Variants in DMD observed in about 807,000 individuals in gnomAD.
DMD encodes the protein mutant dystrophin.
In DMD, 63 loss-of-function variants were observed where a neutral mutation model predicts 330.1. The ratio of observed to expected loss-of-function variants is 0.19; its 90% CI spans 0.16 to 0.24. The LOEUF is 0.24. Ranked by LOEUF, DMD falls within the 10% of genes least tolerant of loss-of-function variation. The probability of loss-of-function intolerance (pLI) is 1.00; values close to 1 mark genes in which losing one functional copy is unlikely to be tolerated. For missense variants in DMD, 3,344 were observed against 2,684.1 expected, an observed-to-expected ratio of 1.25 and a Z score of -5.43; for synonymous variants, 1,223 against 959.8, an observed-to-expected ratio of 1.27 and a Z score of -5.07.
chrX:32,928,031 T>G (rs1381865085), intron 2 of DMD, among the ~76,000 whole-genome samples: 1 of 111,161 alleles, frequency 9.0e-6, no homozygotes, highest in Non-Finnish European at 1.9e-5. Flanking sequence ...ATCAATTGTA[T>G]GCATGATTTT....
rs1057128383 is a variant in DMD at position 33,130,561 on chromosome X, T to C, written c.31+80721A>G. On this transcript the variant is annotated intron_variant, in intron 1 of 78. Coordinates refer to ENST00000357033, the MANE Select transcript of DMD (RefSeq NM_004006.3). ...AGTAGGGACTATATATATATATAAA[T>C]ATATATATATATGACGGAGTTTTGC... Among the ~76,000 whole-genome samples the C allele has an allele frequency of 9.5e-5, 10 of 105,141 alleles. No homozygotes were observed. In the Admixed American group the frequency reaches 1.0e-3, roughly 11 times the overall value. The allele number at this position is 105,141 out of a possible 115,157, so 91.3% of individuals were successfully genotyped here. A position where few individuals can be genotyped will look rare whatever the true frequency, so the allele number is the denominator to read the frequency against.
intron 43 of DMD, among the ~76,000 whole-genome samples, chrX:32,230,369 C>A (rs967235326): frequency 1.3e-4 from 15 of 111,603 alleles, no homozygotes; most frequent in African/African-American, 4.9e-4. Flanking sequence ...CTCAGCTTCC[C>A]GAGTAGCTGG....
intron 9 of DMD, among the ~76,000 whole-genome samples, chrX:32,684,998 T>G (rs150599012): frequency 8.9e-6 from 1 of 111,898 alleles, no homozygotes; most frequent in Non-Finnish European, 1.9e-5. Flanking sequence ...ATTGACTCCA[T>G]AAATAATTAA....
At chrX:32,904,709 G>T (rs934494412) in intron 2 of DMD, among the ~76,000 whole-genome samples, 6 of 111,930 alleles carry the variant, frequency 5.4e-5, no homozygotes, top group African/African-American at 1.6e-4. Flanking sequence ...AAGTAGCTGG[G>T]ATTACAGGCA....
intron 48 of DMD, among the ~76,000 whole-genome samples, chrX:31,841,010 A>C (rs1370423815): frequency 8.9e-6 from 1 of 111,857 alleles, no homozygotes; most frequent in Non-Finnish European, 1.9e-5. Context: ...AAGCTTGGTT[A>C]GGAAGGCATG....
intron 60 of DMD, among the ~76,000 whole-genome samples, chrX:31,398,074 C>T (rs750463475): frequency 4.4e-5 from 5 of 112,497 alleles, no homozygotes; most frequent in African/African-American, 1.6e-4. Flanking sequence ...ATAGTATGTA[C>T]TGTGTTATGT....
chrX:32,627,454 T>A (rs2058427463), intron 11 of DMD, among the ~76,000 whole-genome samples: 1 of 97,956 alleles, frequency 1.0e-5, no homozygotes, highest in Admixed American at 1.0e-4. Flanking sequence ...ATATAATTTT[T>A]AAATACAAAA....
intron 1 of DMD, among the ~76,000 whole-genome samples, chrX:33,029,767 G>A (rs2094073559): frequency 8.9e-6 from 1 of 112,196 alleles, no homozygotes. Context: ...CATGAAGTAG[G>A]ACATAATGAC....
At chrX:32,030,265 C>T (rs1053014313) in intron 44 of DMD, among the ~76,000 whole-genome samples, 2 of 111,994 alleles carry the variant, frequency 1.8e-5, no homozygotes, top group Admixed American at 9.5e-5. Flanking sequence ...CTATATCCAC[C>T]ATTTCAATCA....
intron 60 of DMD, among the ~76,000 whole-genome samples, chrX:31,435,246 TCTCA>T (rs1166215753): frequency 2.7e-5 from 3 of 112,041 alleles, no homozygotes; most frequent in Non-Finnish European, 5.6e-5. Context: ...CTAGGTAAGT[TCTCA>T]CTATTAATCT....
In DMD at chrX:31,462,842, T is replaced by C. The variant is rs191020840; in HGVS notation, c.8937+15264A>G. Reference sequence around the variant, plus strand: ...TCAGATGAACCTGCAAAAGATAAATTTGAAATAGCAAGGGTCTGCTCTTTT... The same window carrying C: ...TCAGATGAACCTGCAAAAGATAAATCTGAAATAGCAAGGGTCTGCTCTTTT... On this transcript the variant is annotated intron_variant, in intron 59 of 78. Coordinates refer to ENST00000357033, the MANE Select transcript of DMD (RefSeq NM_004006.3). 5.0e-3 allele frequency among the ~76,000 whole-genome samples: 549 copies of C among 110,824 alleles called. 2 individuals carry two copies. The highest frequency in any genetic ancestry group is 9.2e-3 in the Middle Eastern group (2 of 217).
chrX:32,183,022 G>A (rs2096932663), intron 44 of DMD, among the ~76,000 whole-genome samples: 1 of 111,171 alleles, frequency 9.0e-6, no homozygotes, highest in Non-Finnish European at 1.9e-5. Context: ...CTGGAAAAGA[G>A]GATCATTTTG....
At chrX:33,101,987 A>G (rs1277880195) in intron 1 of DMD, among the ~76,000 whole-genome samples, 1 of 111,963 alleles carries the variant, frequency 8.9e-6, no homozygotes. Context: ...AAGGTTTTCA[A>G]TGTTTATTCC....
intron 55 of DMD, among the ~76,000 whole-genome samples, chrX:31,569,616 A>ATATATACG (rs1406628704): frequency 1.0e-5 from 1 of 100,057 alleles, no homozygotes; most frequent in Non-Finnish European, 2.0e-5. Flanking sequence ...GTATATACGT[A>ATATATACG]TATATACGTA....
chrX:31,661,186 A>G (rs1218252034), intron 53 of DMD, among the ~76,000 whole-genome samples: 2 of 111,862 alleles, frequency 1.8e-5, no homozygotes, highest in African/African-American at 6.5e-5. Flanking sequence ...TTGTATTCAC[A>G]GCGAAAGTTA....
chrX:33,269,070 A>G (rs2053104212), intron 1 of DMD, among the ~76,000 whole-genome samples: 1 of 111,518 alleles, frequency 9.0e-6, no homozygotes, highest in African/African-American at 3.3e-5. Flanking sequence ...CATTCAATTC[A>G]GCAATCCCAT....
intron 29 of DMD, among the ~76,000 whole-genome samples, chrX:32,418,817 C>T (rs2098176542): frequency 1.9e-5 from 2 of 107,417 alleles, no homozygotes; most frequent in South Asian, 4.1e-4. Flanking sequence ...ACTAAAAATA[C>T]AAAAAATTAG....
intron 44 of DMD, among the ~76,000 whole-genome samples, chrX:32,122,809 G>A (rs1407478937): frequency 9.0e-6 from 1 of 110,890 alleles, no homozygotes; most frequent in African/African-American, 3.3e-5. Context: ...AGACTTCAGT[G>A]GTAGTTTTTA....
intron 7 of DMD, among the ~76,000 whole-genome samples, chrX:32,720,917 T>C (rs1054379289): frequency 8.9e-6 from 1 of 111,956 alleles, no homozygotes; most frequent in Admixed American, 9.5e-5. Context: ...CTACTGTCTA[T>C]GTATTCAACT....
Sources: allele counts gnomAD v4.1 joint callset (sites outside exome capture counted in the v4.1 genomes callset), GRCh38; gene constraint gnomAD v4.1.1; transcripts MANE v1.5; gene names NCBI Gene and HGNC (gene_info 2026-07-23, HGNC 2026-07-21).